Variants in LZTFL1 observed in about 807,000 individuals in gnomAD.
LZTFL1 encodes leucine zipper transcription factor like 1, also known as leucine zipper transcription factor-like protein 1.
LZTFL1 carries 25 observed loss-of-function variants against 45.9 expected under a neutral mutation model. That is an observed-to-expected ratio of 0.54 (90% confidence interval 0.40 to 0.76). LZTFL1 has a LOEUF of 0.76. Ranked by LOEUF, LZTFL1 falls within the 30% of genes least tolerant of loss-of-function variation. The probability of loss-of-function intolerance (pLI) is 0.00; values close to 1 mark genes in which losing one functional copy is unlikely to be tolerated. For synonymous variants in LZTFL1, 93 were observed against 117.4 expected (o/e 0.79, Z 1.35); for missense variants, 277 against 331.1 (o/e 0.84, Z 1.27).
At chr3:45,874,851 C>T (rs114363500) in intron 2 of LZTFL1, among the ~76,000 whole-genome samples, 248 of 152,276 alleles carry the variant, frequency 1.6e-3, no homozygotes, top group African/African-American at 5.7e-3. Flanking sequence ...TCATCATCAC[C>T]ATCTGTCCAA....
At chr3:45,832,184 G>A (rs756819424) in intron 5 of LZTFL1, among the ~76,000 whole-genome samples, 5 of 152,016 alleles carry the variant, frequency 3.3e-5, no homozygotes, top group Non-Finnish European at 5.9e-5. Flanking sequence ...TCACGCCACC[G>A]CACTCCAGCC....
intron 4 of LZTFL1, among the ~76,000 whole-genome samples, chr3:45,848,831 C>T (rs7630487): frequency 2.0e-5 from 3 of 152,066 alleles, no homozygotes; most frequent in Admixed American, 1.3e-4. Flanking sequence ...AATAGACCAA[C>T]CTTTACATAT....
At chr3:45,890,436 A>G (rs1363720311) in intron 2 of LZTFL1, among the ~76,000 whole-genome samples, 3 of 144,682 alleles carry the variant, frequency 2.1e-5, no homozygotes, top group African/African-American at 7.7e-5. Flanking sequence ...GTAATAAAAT[A>G]AAATTTGCTG....
intron 2 of LZTFL1, among the ~76,000 whole-genome samples, chr3:45,867,113 AC>A: frequency 7.6e-6 from 1 of 130,758 alleles, no homozygotes; most frequent in Middle Eastern, 4.7e-3. Flanking sequence ...ATGCCACTAC[AC>A]TCCAGCCTGG....
chr3:45,869,381 G>A lies in LZTFL1; in HGVS notation c.-214-10365C>T, dbSNP rs142818035. On this transcript the variant is annotated intron_variant, in intron 2 of 4. Coordinates refer to the LZTFL1 transcript ENST00000472635. Reference sequence around the variant, plus strand: ...TTCCTAGAAGCAGGAAAAAGAAGACGCCATGCCTTCCAGTCATGCTTGCTT... The same window carrying A: ...TTCCTAGAAGCAGGAAAAAGAAGACACCATGCCTTCCAGTCATGCTTGCTT... Among the ~76,000 whole-genome samples, 431 of 152,210 alleles carry A rather than the reference G, an allele frequency of 2.8e-3. 4 individuals carry two copies. The highest frequency in any genetic ancestry group is 0.024 in the Middle Eastern group (7 of 292).
chr3:45,848,305 G>A (rs557869250), intron 4 of LZTFL1, among the ~76,000 whole-genome samples: 1 of 152,158 alleles, frequency 6.6e-6, no homozygotes, highest in Non-Finnish European at 1.5e-5. Flanking sequence ...ATGCTGGAGG[G>A]CAGCTGCAGC....
intron 2 of LZTFL1, among the ~76,000 whole-genome samples, chr3:45,875,718 C>T (rs1018629059): frequency 2.0e-5 from 3 of 152,184 alleles, no homozygotes; most frequent in Admixed American, 1.3e-4. Flanking sequence ...TATTCATCTA[C>T]ATAGTGGTTG....
At chr3:45,909,638 A>G (rs1005388215) in intron 2 of LZTFL1, among the ~76,000 whole-genome samples, 24 of 152,252 alleles carry the variant, frequency 1.6e-4, no homozygotes, top group African/African-American at 5.8e-4. Flanking sequence ...AGAAATGGAG[A>G]CTGGATGGAC....
rs181659295 is a variant in LZTFL1, at chr3:45,897,490, G to A, written c.-215+15630C>T. 5.8e-4 allele frequency: 529 copies of A among 919,144 alleles called. No individual in the cohort carries two copies. The African/African-American group carries it at 5.9e-3, about 10-fold the overall frequency. The allele number at this position is 919,144 out of a possible 1,614,324, so 56.9% of individuals were successfully genotyped here. ...GGAGTGTTAGCTGTGCCTGCTCACC[G>A]GGCAGTGGAGAAAGCTGGGTCACCC... On this transcript the variant is annotated intron_variant, in intron 2 of 4. Transcript: ENST00000472635.
chr3:45,910,885 G>A (rs1702782204), intron 2 of LZTFL1, among the ~76,000 whole-genome samples: 1 of 152,150 alleles, frequency 6.6e-6, no homozygotes, highest in Admixed American at 6.5e-5. Flanking sequence ...ATTTAGCTTG[G>A]GGTCTCTCAT....
At chr3:45,842,462 T>C (rs1035752303), upstream of LZTFL1, among the ~76,000 whole-genome samples, 10 of 151,674 alleles carry the variant, frequency 6.6e-5, no homozygotes, top group African/African-American at 2.0e-4. Context: ...AATGGTCTCA[T>C]AGGGCGCGGC....
At chr3:45,858,253 G>C (rs1701426807) in intron 3 of LZTFL1, among the ~76,000 whole-genome samples, 2 of 152,182 alleles carry the variant, frequency 1.3e-5, no homozygotes, top group Admixed American at 6.5e-5. Context: ...AGCATCTCAT[G>C]CTTCACAAGG....
intron 2 of LZTFL1, among the ~76,000 whole-genome samples, chr3:45,909,468 A>G (rs1471937552): frequency 6.6e-6 from 1 of 152,048 alleles, no homozygotes; most frequent in Admixed American, 6.5e-5. Context: ...TCTTTGTTTC[A>G]TCTGCTCCCT....
chr3:45,888,630 C>T (rs975550740), intron 2 of LZTFL1, among the ~76,000 whole-genome samples: 1 of 152,204 alleles, frequency 6.6e-6, no homozygotes, highest in Non-Finnish European at 1.5e-5. Flanking sequence ...ACTGCCCATC[C>T]ACTCCCGACA....
At chr3:45,883,063 C>G (rs1701890728) in intron 2 of LZTFL1, among the ~76,000 whole-genome samples, 1 of 152,120 alleles carries the variant, frequency 6.6e-6, no homozygotes, top group Non-Finnish European at 1.5e-5. Context: ...CAGAAGCATT[C>G]CAAGCTTTTC....
upstream of LZTFL1, among the ~76,000 whole-genome samples, chr3:45,844,028 C>CA (rs1701178850): frequency 6.6e-6 from 1 of 152,110 alleles, no homozygotes; most frequent in South Asian, 2.1e-4. Flanking sequence ...GGGAGGCACA[C>CA]AAGTCCATTT....
chr3:45,826,658 A>G (rs574324046), intron 9 of LZTFL1, among the ~76,000 whole-genome samples: 192 of 152,320 alleles, frequency 1.3e-3, no homozygotes, highest in Admixed American at 3.3e-3. Flanking sequence ...CTACTTCTCT[A>G]AGGACAAATC....
intron 2 of LZTFL1, among the ~76,000 whole-genome samples, chr3:45,867,357 G>T (rs1701594851): frequency 1.3e-5 from 2 of 152,004 alleles, no homozygotes; most frequent in Non-Finnish European, 2.9e-5. Context: ...TTGTAATGAT[G>T]GGCACTTCCG....
chr3:45,887,881 C>T (rs1289218936), intron 2 of LZTFL1, among the ~76,000 whole-genome samples: 1 of 151,170 alleles, frequency 6.6e-6, no homozygotes, highest in South Asian at 2.1e-4. Context: ...AAAAGCAGAG[C>T]TATGAAAAAA....
Sources: allele counts gnomAD v4.1 joint callset (sites outside exome capture counted in the v4.1 genomes callset), GRCh38; gene constraint gnomAD v4.1.1; transcripts MANE v1.5; gene names NCBI Gene and HGNC (gene_info 2026-07-23, HGNC 2026-07-21).